TRIM9: variants seen among roughly 807,000 people sequenced by gnomAD.
The protein encoded by TRIM9 is tripartite motif containing 9.
In TRIM9, 26 loss-of-function variants were observed where a neutral mutation model predicts 78.3. The observed-to-expected ratio is 0.33, with a 90% confidence interval of 0.24 to 0.46. The LOEUF (loss-of-function observed/expected upper bound fraction) is 0.46, where lower values mean the gene tolerates loss of function less well. TRIM9 is among the 20% of genes least tolerant of loss of function. The probability of loss-of-function intolerance (pLI) is 1.00; values close to 1 mark genes in which losing one functional copy is unlikely to be tolerated. For missense variants in TRIM9, 787 were observed against 1,036.4 expected, an observed-to-expected ratio of 0.76 and a Z score of 3.30; for synonymous variants, 398 against 416.5, an observed-to-expected ratio of 0.96 and a Z score of 0.54.
chr14:51,023,071 G>C, intron 2 of TRIM9, 114 bp from the exon 3 acceptor site: 2 of 1,371,424 alleles, frequency 1.5e-6, no homozygotes, highest in Non-Finnish European at 2.0e-6. Flanking sequence ...TGTCCACAAT[G>C]CACATTTGGT....
At chr14:51,077,963 G>C (rs1208626447) in intron 1 of TRIM9, among the ~76,000 whole-genome samples, 1 of 152,192 alleles carries the variant, frequency 6.6e-6, no homozygotes, top group Non-Finnish European at 1.5e-5. Flanking sequence ...AATCAAACTA[G>C]AAATCTCCCT....
chr14:50,995,443 TAGAC>T (rs1360260216), intron 7 of TRIM9, among the ~76,000 whole-genome samples: 4 of 152,304 alleles, frequency 2.6e-5, no homozygotes, highest in South Asian at 2.1e-4. Flanking sequence ...GCCCAATAAA[TAGAC>T]AGATAAATTT....
chr14:50,975,696 C>T lies in TRIM9; in HGVS notation c.*1595G>A, dbSNP rs2051044330. On this transcript the variant is annotated 3_prime_UTR_variant, in exon 13 of 13. Coordinates refer to ENST00000684578, the MANE Select transcript of TRIM9 (RefSeq NM_001387360.1). ...TAATTTGTTAGCTTTCCCATCCTAT[C>T]TCTTCCCTTCTATTTGTTATTCTTG... The T allele has an allele frequency of 6.6e-6, 1 of 152,654 alleles. No homozygotes were observed. The highest frequency in any genetic ancestry group is 6.5e-5 in the Admixed American group (1 of 15,284). The allele number at this position is 152,654 out of a possible 1,614,324, so 9.5% of individuals were successfully genotyped here.
intron 1 of TRIM9, among the ~76,000 whole-genome samples, chr14:51,083,720 A>G: frequency 6.6e-6 from 1 of 152,238 alleles, no homozygotes; most frequent in Non-Finnish European, 1.5e-5. Context: ...GTTGAGATAC[A>G]TATCCAAGTG....
intron 11 of TRIM9, 138 bp downstream of exon 11, chr14:50,981,662 A>T: frequency 1.9e-6 from 2 of 1,062,342 alleles, no homozygotes; most frequent in Non-Finnish European, 1.4e-6. Context: ...TGAGGCTCAT[A>T]GATTGCCTGT....
chr14:51,066,025 G>C (rs8016963), intron 1 of TRIM9, among the ~76,000 whole-genome samples: 1 of 147,914 alleles, frequency 6.8e-6, no homozygotes. Context: ...TTTCATTGGC[G>C]TGCAAGCAGG....
At chr14:50,982,832 C>T (rs568492266) in intron 10 of TRIM9, 110 bp downstream of exon 10, 116 of 1,044,036 alleles carry the variant, frequency 1.1e-4, no homozygotes, top group Non-Finnish European at 1.5e-4. Flanking sequence ...TAAATGCCAC[C>T]TATAAATATC....
Position 50,997,355 on chromosome 14 carries a change from T to C in TRIM9, c.1603+695A>G, listed in dbSNP as rs1479038326. ...AAATTCTCTAGAGATGAACCTTGTA[T>C]GGTGGCTCTCGGTAGCCTAGCCAAG... On this transcript the variant is annotated intron_variant, in intron 7 of 12. Transcript: ENST00000684578. 4.1e-6 allele frequency: 4 copies of C among 985,452 alleles called. No homozygotes were observed. The South Asian group carries it at 1.9e-4, about 46-fold the overall frequency. 61.0% of individuals were successfully genotyped at this position (985,452 alleles called of 1,614,324 possible). A position where few individuals can be genotyped will look rare whatever the true frequency, so the allele number is the denominator to read the frequency against.
chr14:51,076,906 T>C (rs1021107534), intron 1 of TRIM9, among the ~76,000 whole-genome samples: 8 of 152,224 alleles, frequency 5.3e-5, no homozygotes, highest in African/African-American at 1.9e-4. Flanking sequence ...GATTCTAGTT[T>C]TCCTGACCCT....
chr14:51,047,075 T>C (rs1447003528), intron 1 of TRIM9, among the ~76,000 whole-genome samples: 1 of 152,120 alleles, frequency 6.6e-6, no homozygotes, highest in Non-Finnish European at 1.5e-5. Context: ...ATCTGCATAG[T>C]GTGTTGTTTC....
intron 3 of TRIM9, among the ~76,000 whole-genome samples, chr14:51,020,087 A>G (rs1413806152): frequency 3.3e-5 from 5 of 152,192 alleles, no homozygotes; most frequent in African/African-American, 9.6e-5. Context: ...AGGCCCTCAG[A>G]GAACTCAGCC....
At chr14:51,043,331 G>A (rs2059705092) in intron 1 of TRIM9, among the ~76,000 whole-genome samples, 1 of 152,214 alleles carries the variant, frequency 6.6e-6, no homozygotes, top group Non-Finnish European at 1.5e-5. Context: ...CATGCAGCCG[G>A]AGGAAGGAGT....
At chr14:51,018,351 C>T (rs2057421051) in intron 3 of TRIM9, among the ~76,000 whole-genome samples, 1 of 151,264 alleles carries the variant, frequency 6.6e-6, no homozygotes, top group South Asian at 2.1e-4. Context: ...TCTTTCTATC[C>T]TTCCTCCCTC....
At chr14:51,086,794 G>A (rs2063794366) in intron 1 of TRIM9, among the ~76,000 whole-genome samples, 1 of 133,914 alleles carries the variant, frequency 7.5e-6, no homozygotes, top group African/African-American at 2.9e-5. Flanking sequence ...ATCTGTTTCA[G>A]ACAATCAGGT....
intron 1 of TRIM9, among the ~76,000 whole-genome samples, chr14:51,076,164 G>A (rs952551484): frequency 6.6e-6 from 1 of 152,194 alleles, no homozygotes; most frequent in African/African-American, 2.4e-5. Context: ...GGAAACCGAG[G>A]TACAGATGGG....
At chr14:51,087,997 G>A (rs2063926972) in intron 1 of TRIM9, among the ~76,000 whole-genome samples, 2 of 152,054 alleles carry the variant, frequency 1.3e-5, no homozygotes, top group Admixed American at 1.3e-4. Context: ...TAGAAAGGGG[G>A]ACAACATGTA....
At chr14:51,086,327 G>A (rs1176891357) in intron 1 of TRIM9, among the ~76,000 whole-genome samples, 2 of 150,584 alleles carry the variant, frequency 1.3e-5, no homozygotes, top group African/African-American at 4.9e-5. Context: ...GAAGATGTGT[G>A]GATTATGAAG....
At chr14:51,084,967 T>C (rs888804193) in intron 1 of TRIM9, among the ~76,000 whole-genome samples, 2 of 152,236 alleles carry the variant, frequency 1.3e-5, no homozygotes, top group Non-Finnish European at 2.9e-5. Flanking sequence ...TATAAAGACC[T>C]GCTCTAGACA....
At position 51,010,378 on chromosome 14, in the gene TRIM9, T is replaced by C. The variant is rs377177534; in HGVS notation, c.1152+6A>G. The C allele has an allele frequency of 7.5e-6, 12 of 1,608,986 alleles. No homozygotes were observed. The highest frequency in any genetic ancestry group is 1.0e-5 in the Non-Finnish European group (12 of 1,175,588). On this transcript the variant is annotated splice_donor_region_variant and intron_variant, in intron 4 of 12. Transcript: ENST00000684578. The stretch of plus-strand genomic sequence containing the variant: ...GAATCTGACGCAGAAACTAGTTAAC[T>C]CTTACCTGCAAAAAACCACTAGGAT...
Sources: gnomAD v4.1 joint callset for allele counts (sites outside exome capture counted in the v4.1 genomes callset) on GRCh38, gnomAD v4.1.1 for gene constraint, MANE v1.5 for transcripts, NCBI Gene and HGNC (gene_info 2026-07-23, HGNC 2026-07-21) for gene names.